PTPRB: variants seen among roughly 807,000 people sequenced by gnomAD.
PTPRB encodes the protein receptor-type tyrosine-protein phosphatase beta.
A neutral mutation model predicts 238.1 loss-of-function variants in PTPRB; 97 were observed. The ratio of observed to expected loss-of-function variants is 0.41; its 90% CI spans 0.35 to 0.48. PTPRB has a LOEUF of 0.48. PTPRB is among the 20% of genes least tolerant of loss of function. The pLI is 0.30. For synonymous variants in PTPRB, 970 were observed against 995.4 expected (o/e 0.97, Z 0.48); for missense variants, 2,292 against 2,681.9 (o/e 0.85, Z 3.21).
intron 32 of PTPRB, among the ~76,000 whole-genome samples, chr12:70,527,005 A>G (rs888988095): frequency 6.6e-6 from 1 of 152,214 alleles, no homozygotes; most frequent in Non-Finnish European, 1.5e-5. Flanking sequence ...TGTGCTTCTC[A>G]CTTTATTCTT....
chr12:70,532,019 A>G lies in PTPRB; in HGVS notation c.6504+16T>C. 1 of 1,613,812 alleles carries G rather than the reference A, an allele frequency of 6.2e-7. No individual in the cohort carries two copies. The highest frequency in any genetic ancestry group is 1.3e-5 in the African/African-American group (1 of 74,986). On this transcript the variant is annotated intron_variant, in intron 32 of 33. Transcript: ENST00000334414. ...GGGAGGAGGGTGGCCTGTAACTTTC[A>G]GTCTATAACTCTTACCTCAGTCTGG...
In PTPRB at chr12:70,532,144, A is replaced by C. The variant is rs1322171787; in HGVS notation, c.6395T>G (p.Phe2132Cys). ...CSAGVGRTGT[F>C]IALDRILQQL... The stretch of plus-strand genomic sequence containing the variant: ...CTGGAGGATTCGGTCCAATGCAATA[A>C]AGGTTCCAGTCCTACCCACACCAGC... The change falls in exon 32 of 34, where the codon TTT (phenylalanine) becomes TGT (cysteine). Residue 2132 changes from phenylalanine to cysteine, a missense_variant. Physicochemically the swap from Phe to Cys is radical, Grantham distance 205 (BLOSUM62 -2). This residue lies in a region of PTPRB where 397 missense variants were observed against 502.0 expected (regional missense o/e 0.79). Coordinates refer to ENST00000334414, the MANE Select transcript of PTPRB (RefSeq NM_001109754.4). The C allele has an allele frequency of 6.2e-7, 1 of 1,613,558 alleles. No individual in the cohort carries two copies. The highest frequency in any genetic ancestry group is 1.7e-5 in the Admixed American group (1 of 59,940).
Position 70,524,509 on chromosome 12 carries a change from A to G in PTPRB, c.6587T>C (p.Phe2196Ser). 6.2e-7 allele frequency: 1 copy of G among 1,613,520 alleles called. No homozygotes were observed. The highest frequency in any genetic ancestry group is 8.5e-7 in the Non-Finnish European group (1 of 1,179,674). Residue 2196 changes from phenylalanine to serine, a missense_variant, in exon 33 of 34, where the codon TTT becomes TCT. By Grantham distance (155) the Phe-to-Ser change is radical (BLOSUM62 -2). Around this residue, in one of 4 missense-constraint regions of PTPRB, gnomAD observed 397 missense variants for 502.0 expected, o/e 0.79. Coordinates refer to ENST00000334414, the MANE Select transcript of PTPRB (RefSeq NM_001109754.4). The part of the protein sequence containing the change: ...KLRSEQENPL[F>S]PIYENVNPEY... The stretch of plus-strand genomic sequence containing the variant: ...TGGATTCACATTTTCATAGATTGGA[A>G]ACAAGGGGTTTTCTTGTTCACTCCG...
At position 70,536,414 on chromosome 12, in the gene PTPRB, A is replaced by G. The variant is rs539032257; in HGVS notation, c.5947-255T>C. ...AAATGGGGGACTTAGGCAATGATCT[A>G]GAAAACACTTCACCCTCAATTATAT... On this transcript the variant is annotated intron_variant, in intron 28 of 33. Coordinates refer to ENST00000334414, the MANE Select transcript of PTPRB (RefSeq NM_001109754.4). 5.3e-5 allele frequency among the ~76,000 whole-genome samples: 8 copies of G among 152,356 alleles called. No homozygotes were observed. In the South Asian group the frequency reaches 1.7e-3, roughly 32 times the overall value.
chr12:70,571,399 T>G, intron 12 of PTPRB, 110 bp from the exon 13 acceptor site: 7 of 1,089,306 alleles, frequency 6.4e-6, no homozygotes, highest in Non-Finnish European at 9.1e-6. Flanking sequence ...CTTCCCCAAA[T>G]AAACCACTAG....
intron 4 of PTPRB, among the ~76,000 whole-genome samples, chr12:70,604,065 C>G (rs1883741008): frequency 6.6e-6 from 1 of 152,050 alleles, no homozygotes; most frequent in Non-Finnish European, 1.5e-5. Flanking sequence ...CATAGGGAGA[C>G]CCCATCTCTA....
chr12:70,538,029 G>T, intron 28 of PTPRB, 126 bp downstream of exon 28: 1 of 719,022 alleles, frequency 1.4e-6, no homozygotes, highest in Non-Finnish European at 2.2e-6. Context: ...GCATTCAGAT[G>T]TGCTCTTCTG....
chr12:70,635,395 T>C (rs1885636388), intron 2 of PTPRB, among the ~76,000 whole-genome samples: 1 of 152,110 alleles, frequency 6.6e-6, no homozygotes, highest in African/African-American at 2.4e-5. Context: ...GAGAGGCTCA[T>C]GAAATAGTTG....
intron 3 of PTPRB, among the ~76,000 whole-genome samples, chr12:70,611,588 CCG>C (rs1294740166): frequency 6.6e-6 from 1 of 152,230 alleles, no homozygotes; most frequent in Non-Finnish European, 1.5e-5. Flanking sequence ...GCGTGTGCCA[CCG>C]TGCCTGGCCT....
chr12:70,617,503 ACTT>A (rs1262442986), intron 3 of PTPRB, among the ~76,000 whole-genome samples: 1 of 151,940 alleles, frequency 6.6e-6, no homozygotes, highest in African/African-American at 2.4e-5. Context: ...CTCCCCCGCT[ACTT>A]CTTTGCCCTC....
At chr12:70,576,255 C>CT (rs1880673095) in intron 11 of PTPRB, 127 bp downstream of exon 11, 1 of 1,057,994 alleles carries the variant, frequency 9.5e-7, no homozygotes, top group East Asian at 2.6e-5. Flanking sequence ...AATACGAAGA[C>CT]TTCATAACAG....
chr12:70,575,117 AGGGATAATCTC>A (rs1880536043), intron 11 of PTPRB, among the ~76,000 whole-genome samples: 3 of 152,180 alleles, frequency 2.0e-5, no homozygotes, highest in Non-Finnish European at 2.9e-5. Flanking sequence ...ATTCAAGGGT[AGGGATAATCTC>A]TTTATATCCC....
At chr12:70,620,305 T>C (rs1884870178) in intron 3 of PTPRB, among the ~76,000 whole-genome samples, 1 of 152,194 alleles carries the variant, frequency 6.6e-6, no homozygotes. Flanking sequence ...CTGGGTATTG[T>C]GTTTGCAGAG....
At chr12:70,571,792 C>A in intron 12 of PTPRB, 32 bp downstream of exon 12, 1 of 1,592,044 alleles carries the variant, frequency 6.3e-7, no homozygotes, top group Non-Finnish European at 8.5e-7. Flanking sequence ...CAAGTCCAAC[C>A]AACTGTCAGA....
At chr12:70,631,185 A>G (rs1359706889) in intron 2 of PTPRB, among the ~76,000 whole-genome samples, 3 of 152,230 alleles carry the variant, frequency 2.0e-5, no homozygotes, top group Non-Finnish European at 4.4e-5. Flanking sequence ...ACCATACTAC[A>G]AGGCTACAGT....
intron 2 of PTPRB, among the ~76,000 whole-genome samples, chr12:70,629,297 C>T (rs536825184): frequency 4.8e-4 from 73 of 152,252 alleles, no homozygotes; most frequent in African/African-American, 1.7e-3. Context: ...AAAATTCACT[C>T]AAAACCGCAC....
chr12:70,532,472 A>G (rs1408417452), intron 31 of PTPRB, among the ~76,000 whole-genome samples: 2 of 152,126 alleles, frequency 1.3e-5, no homozygotes, highest in Non-Finnish European at 2.9e-5. Context: ...AGGTAAATCT[A>G]TAAACATTTA....
chr12:70,569,622 T>G, intron 14 of PTPRB, 53 bp downstream of exon 14: 1 of 1,600,948 alleles, frequency 6.2e-7, no homozygotes, highest in Non-Finnish European at 8.5e-7. Context: ...TGTCCCATTT[T>G]GGAGAACCAT....
At chr12:70,575,162 A>C (rs1880540066) in intron 11 of PTPRB, among the ~76,000 whole-genome samples, 1 of 152,212 alleles carries the variant, frequency 6.6e-6, no homozygotes, top group South Asian at 2.1e-4. Context: ...CGGATACAGC[A>C]TGATGGAATG....
Sources: gnomAD v4.1 joint callset for allele counts (sites outside exome capture counted in the v4.1 genomes callset) on GRCh38, gnomAD v4.1.1 for gene constraint, gnomAD v4.1.1 regional missense constraint, MANE v1.5 for transcripts, NCBI Gene and HGNC (gene_info 2026-07-23, HGNC 2026-07-21) for gene names.